The following STK10 variants were observed in gnomAD, a reference collection of about 807,000 sequenced individuals.
STK10 encodes the protein serine/threonine-protein kinase 10.
STK10 carries 78 observed loss-of-function variants against 113.8 expected under a neutral mutation model. That is an observed-to-expected ratio of 0.69 (90% CI 0.57 to 0.83). STK10 has a LOEUF of 0.83. Ranked by LOEUF, STK10 falls within the 40% of genes least tolerant of loss-of-function variation. The pLI is 0.00. For missense variants in STK10, 1,109 were observed against 1,280.1 expected (o/e 0.87, Z 2.04); for synonymous variants, 465 against 494.7 (o/e 0.94, Z 0.80).
chr5:172,123,039 C>T (rs1769549027), intron 3 of STK10, among the ~76,000 whole-genome samples: 2 of 152,204 alleles, frequency 1.3e-5, no homozygotes, highest in African/African-American at 4.8e-5. Flanking sequence ...TGGGTATTCT[C>T]TCCATCTCAC....
intron 10 of STK10, among the ~76,000 whole-genome samples, chr5:172,086,384 G>C (rs543696083): frequency 1.1e-3 from 166 of 152,290 alleles, no homozygotes; most frequent in African/African-American, 3.7e-3. Context: ...CCTGACTCAA[G>C]AGAAACTAAG....
chr5:172,056,219 A>G (rs1767751820), intron 15 of STK10, among the ~76,000 whole-genome samples: 1 of 152,158 alleles, frequency 6.6e-6, no homozygotes, highest in Admixed American at 6.5e-5. Flanking sequence ...CGATTTCTTC[A>G]CTTGGTTGGG....
intron 3 of STK10, among the ~76,000 whole-genome samples, chr5:172,119,896 A>G (rs1031311717): frequency 6.7e-6 from 1 of 149,444 alleles, no homozygotes; most frequent in Non-Finnish European, 1.5e-5. Flanking sequence ...AAATAAACAA[A>G]TAATTCCCTC....
intron 7 of STK10, among the ~76,000 whole-genome samples, chr5:172,098,269 T>C (rs1768901699): frequency 6.6e-6 from 1 of 152,214 alleles, no homozygotes; most frequent in South Asian, 2.1e-4. Flanking sequence ...GTGGCTCAAA[T>C]GATAAACAAG....
intron 12 of STK10, among the ~76,000 whole-genome samples, chr5:172,066,324 A>ATT (rs111386696): frequency 1.7e-4 from 26 of 150,226 alleles, no homozygotes; most frequent in South Asian, 6.3e-4. Context: ...TAAGTTTCCT[A>ATT]TTTTTTTTTT....
chr5:172,113,296 C>T (rs1173192684), intron 4 of STK10, among the ~76,000 whole-genome samples: 1 of 152,128 alleles, frequency 6.6e-6, no homozygotes, highest in African/African-American at 2.4e-5. Flanking sequence ...ACTCACTGCA[C>T]ACACCCAGCA....
chr5:172,119,146 G>A (rs1769450270), intron 3 of STK10, among the ~76,000 whole-genome samples: 1 of 152,022 alleles, frequency 6.6e-6, no homozygotes, highest in Non-Finnish European at 1.5e-5. Context: ...AGATGGCCAG[G>A]GCCCTTCTTC....
At chr5:172,094,671 A>T (rs1455137017) in intron 8 of STK10, among the ~76,000 whole-genome samples, 1 of 152,188 alleles carries the variant, frequency 6.6e-6, no homozygotes, top group Admixed American at 6.5e-5. Context: ...GGTGTGTGCC[A>T]CCGCACCCAG....
intron 17 of STK10, among the ~76,000 whole-genome samples, chr5:172,053,929 G>C (rs1767688062): frequency 6.6e-6 from 1 of 152,230 alleles, no homozygotes; most frequent in African/African-American, 2.4e-5. Context: ...AACGGATGCG[G>C]AAGGTGAATG....
intron 7 of STK10, 107 bp from the exon 8 acceptor site, chr5:172,096,667 G>A (rs2086620228): frequency 6.8e-7 from 1 of 1,466,046 alleles, no homozygotes; most frequent in Non-Finnish European, 9.3e-7. Context: ...CCTCATTCCT[G>A]AGCAAAATGT....
At chr5:172,114,031 A>G (rs1769308569) in intron 4 of STK10, among the ~76,000 whole-genome samples, 1 of 152,212 alleles carries the variant, frequency 6.6e-6, no homozygotes, top group Admixed American at 6.6e-5. Context: ...GTTTATATCT[A>G]TGACCCTTTA....
chr5:172,069,147 C>T (rs1247051514), intron 12 of STK10, among the ~76,000 whole-genome samples: 1 of 150,306 alleles, frequency 6.7e-6, no homozygotes, highest in Non-Finnish European at 1.5e-5. Flanking sequence ...GGTAGAAAAA[C>T]AGGGAAGAGA....
At chr5:172,150,047 CAAA>C (rs35745235) in intron 2 of STK10, among the ~76,000 whole-genome samples, 21 of 87,110 alleles carry the variant, frequency 2.4e-4, no homozygotes, top group Admixed American at 2.4e-3. Flanking sequence ...AACTTTGTCT[CAAA>C]AAAAAAAAAA....
intron 1 of STK10, among the ~76,000 whole-genome samples, chr5:172,159,479 C>T (rs1295934033): frequency 6.6e-6 from 1 of 152,068 alleles, no homozygotes; most frequent in Non-Finnish European, 1.5e-5. Context: ...GAGACGGAGG[C>T]TGCAGTGAGC....
intron 13 of STK10, chr5:172,063,648 T>TA (rs1767981685): frequency 6.7e-6 from 1 of 149,784 alleles, no homozygotes; most frequent in Non-Finnish European, 1.5e-5. Context: ...GTTCTCTTCC[T>TA]AATCGTGCTG....
chr5:172,106,967 T>G, intron 5 of STK10, 153 bp from the exon 6 acceptor site: 1 of 690,366 alleles, frequency 1.4e-6, no homozygotes. Flanking sequence ...CTGTCTTCCT[T>G]AGGACGCTCT....
At chr5:172,053,927 C>G (rs1224415010) in intron 17 of STK10, among the ~76,000 whole-genome samples, 2 of 152,202 alleles carry the variant, frequency 1.3e-5, no homozygotes, top group Non-Finnish European at 2.9e-5. Flanking sequence ...AAAACGGATG[C>G]GGAAGGTGAA....
intron 10 of STK10, among the ~76,000 whole-genome samples, chr5:172,087,410 G>T (rs145292664): frequency 0.016 from 2,387 of 151,580 alleles, 74 homozygotes; most frequent in African/African-American, 0.054. Context: ...GAGTAGCTGG[G>T]ATTACAGACG....
intron 18 of STK10, among the ~76,000 whole-genome samples, chr5:172,046,049 A>T (rs1767487565): frequency 6.6e-6 from 1 of 151,866 alleles, no homozygotes; most frequent in African/African-American, 2.4e-5. Flanking sequence ...TTATATACTT[A>T]AAAGTGGACA....
Sources: gnomAD v4.1 joint callset for allele counts (sites outside exome capture counted in the v4.1 genomes callset) on GRCh38, gnomAD v4.1.1 for gene constraint, MANE v1.5 for transcripts, NCBI Gene and HGNC (gene_info 2026-07-23, HGNC 2026-07-21) for gene names.